Variants in HABP4 observed in about 807,000 individuals in gnomAD.
HABP4 encodes the protein hyaluronan binding protein 4.
Under a neutral mutation model 44.1 loss-of-function variants are expected in HABP4, and 32 were observed. The ratio of observed to expected loss-of-function variants is 0.73; its 90% CI spans 0.55 to 0.97. The LOEUF is 0.97. Ranked by LOEUF, HABP4 falls within the 50% of genes least tolerant of loss-of-function variation. The pLI is 0.00. For synonymous variants in HABP4, 216 were observed against 218.0 expected (o/e 0.99, Z 0.08); for missense variants, 503 against 561.9 (o/e 0.90, Z 1.06).
intron 1 of HABP4, among the ~76,000 whole-genome samples, chr9:96,456,131 C>T (rs1832371451): frequency 6.6e-6 from 1 of 152,056 alleles, no homozygotes; most frequent in Admixed American, 6.6e-5. Flanking sequence ...AAACATATCA[C>T]AAGCCTCAGA....
At chr9:96,484,336 C>CCT in intron 5 of HABP4, 126 bp from the exon 6 acceptor site, 1 of 563,374 alleles carries the variant, frequency 1.8e-6, no homozygotes, top group South Asian at 2.8e-5. Context: ...ATTTCCTTAC[C>CCT]TTATTTGCAT....
intron 1 of HABP4, among the ~76,000 whole-genome samples, chr9:96,451,163 C>T (rs1224878686): frequency 6.6e-6 from 1 of 152,334 alleles, no homozygotes; most frequent in East Asian, 1.9e-4. Flanking sequence ...CGGCCTGGCG[C>T]CTTCGCCCCT....
chr9:96,475,802 A>G (rs1005882609), intron 5 of HABP4, among the ~76,000 whole-genome samples: 4 of 152,234 alleles, frequency 2.6e-5, no homozygotes, highest in Non-Finnish European at 4.4e-5. Flanking sequence ...ATTAAAAGAA[A>G]CTGTGAGCAA....
At chr9:96,485,115 C>T (rs1000439747) in intron 6 of HABP4, among the ~76,000 whole-genome samples, 14 of 151,756 alleles carry the variant, frequency 9.2e-5, no homozygotes, top group Middle Eastern at 6.8e-3. Context: ...TGCAGTGGCG[C>T]GATCTTGGCT....
Position 96,488,408 on chromosome 9 carries a change from G to A in HABP4, c.1185+134G>A. On this transcript the variant is annotated intron_variant, in intron 7 of 7. Coordinates refer to ENST00000375249, the MANE Select transcript of HABP4 (RefSeq NM_014282.4). The surrounding 1 kb of genome is among the most constrained non-coding windows in gnomAD (Gnocchi z 4.6). ...TGTAGCTAGTGTGGGACTGATGTTG[G>A]GGCATTTGGACGGTGTTGTAGCATC... The A allele has an allele frequency of 1.6e-6, 1 of 622,340 alleles. No homozygotes were observed. Among genetic ancestry groups the A allele is most frequent in the South Asian group, 2.1e-5 (1 of 46,812 alleles). 38.6% of individuals were successfully genotyped at this position (622,340 alleles called of 1,614,324 possible).
chr9:96,475,910 A>C (rs1468790011), intron 5 of HABP4, among the ~76,000 whole-genome samples: 1 of 152,196 alleles, frequency 6.6e-6, no homozygotes. Flanking sequence ...TTTTAGGTTA[A>C]ATTCATTTGT....
intron 1 of HABP4, among the ~76,000 whole-genome samples, chr9:96,455,788 C>T (rs1410934931): frequency 6.6e-6 from 1 of 150,972 alleles, no homozygotes; most frequent in Non-Finnish European, 1.5e-5. Context: ...GGTGTAGTGG[C>T]TCATGCCTGT....
chr9:96,487,114 C>T (rs952766604), intron 6 of HABP4, among the ~76,000 whole-genome samples: 3 of 151,970 alleles, frequency 2.0e-5, no homozygotes, highest in African/African-American at 7.2e-5. Flanking sequence ...TTATTTTAAC[C>T]TGAGACCTCA....
In HABP4 at chr9:96,462,739, G is replaced by A. The variant is rs1048715792; in HGVS notation, c.513-2598G>A. 3.5e-4 allele frequency among the ~76,000 whole-genome samples: 53 copies of A among 152,102 alleles called. 1 individual carries two copies. In the Middle Eastern group the frequency reaches 0.024, roughly 68 times the overall value. ...CCAGTAATTTGAGACCAACCTGGGC[G>A]ACATGGTGAAACCCGCATCTCTACA... On this transcript the variant is annotated intron_variant, in intron 2 of 7. Transcript: ENST00000375249.
chr9:96,463,690 T>C (rs557270554), intron 2 of HABP4, among the ~76,000 whole-genome samples: 48 of 152,272 alleles, frequency 3.2e-4, no homozygotes, highest in Admixed American at 1.1e-3. Context: ...GTGTTTCTTA[T>C]AAGAGACTGG....
At chr9:96,467,241 A>G (rs141944145) in intron 4 of HABP4, among the ~76,000 whole-genome samples, 2 of 152,188 alleles carry the variant, frequency 1.3e-5, no homozygotes, top group East Asian at 1.9e-4. Flanking sequence ...AGCTTTTTAC[A>G]TGAACTTATT....
chr9:96,454,635 G>C (rs1832342563), intron 1 of HABP4, among the ~76,000 whole-genome samples: 1 of 151,980 alleles, frequency 6.6e-6, no homozygotes, highest in African/African-American at 2.4e-5. Flanking sequence ...ATTTTTAGTA[G>C]AGACAGGGTT....
intron 4 of HABP4, among the ~76,000 whole-genome samples, chr9:96,468,118 T>C (rs1442959560): frequency 6.6e-6 from 1 of 152,146 alleles, no homozygotes; most frequent in Non-Finnish European, 1.5e-5. Context: ...GGTCTGACTC[T>C]GTTGCCCATG....
At chr9:96,471,947 G>A (rs979613537) in intron 5 of HABP4, among the ~76,000 whole-genome samples, 8 of 152,016 alleles carry the variant, frequency 5.3e-5, no homozygotes, top group Admixed American at 3.3e-4. Flanking sequence ...GTGCTACCAT[G>A]CCCGGCTAAT....
chr9:96,467,650 C>T (rs781341211), intron 4 of HABP4, among the ~76,000 whole-genome samples: 5 of 151,592 alleles, frequency 3.3e-5, no homozygotes, highest in Admixed American at 1.3e-4. Context: ...CTTAGCTTTC[C>T]GAATAGCTGG....
intron 5 of HABP4, 56 bp downstream of exon 5, chr9:96,471,150 T>A: frequency 4.4e-6 from 1 of 225,610 alleles, no homozygotes; most frequent in Non-Finnish European, 7.4e-6. Flanking sequence ...TAATGATTTC[T>A]TTTTTTTTTT....
chr9:96,465,571 A>G (rs56369339), intron 3 of HABP4, 73 bp downstream of exon 3: 1,336 of 1,209,798 alleles, frequency 1.1e-3, no homozygotes, highest in South Asian at 1.4e-3. Context: ...TTATGTGTTA[A>G]TATTTAGTTA....
At chr9:96,455,630 G>T (rs1051629949) in intron 1 of HABP4, among the ~76,000 whole-genome samples, 1 of 151,448 alleles carries the variant, frequency 6.6e-6, no homozygotes. Flanking sequence ...CCTGGGTGTG[G>T]TGGCAGGCAC....
At chr9:96,463,261 A>T (rs1178159151) in intron 2 of HABP4, among the ~76,000 whole-genome samples, 1 of 148,906 alleles carries the variant, frequency 6.7e-6, no homozygotes, top group African/African-American at 2.5e-5. Flanking sequence ...TAGTTTTTTT[A>T]TTTTTATTTT....
Sources: gnomAD v4.1 joint callset for allele counts (sites outside exome capture counted in the v4.1 genomes callset) on GRCh38, gnomAD v4.1.1 for gene constraint, Gnocchi (gnomAD v3.1) non-coding constraint, MANE v1.5 for transcripts, NCBI Gene and HGNC (gene_info 2026-07-23, HGNC 2026-07-21) for gene names.